Variants in SFMBT1 observed in about 807,000 individuals in gnomAD.
SFMBT1 encodes the protein scm-like with four MBT domains protein 1.
SFMBT1 carries 32 observed loss-of-function variants against 108.7 expected under a neutral mutation model. That is an observed-to-expected ratio of 0.29 (90% CI 0.22 to 0.40). The LOEUF (loss-of-function observed/expected upper bound fraction) is 0.40. Among genes scored for constraint, SFMBT1 ranks in the 10% least tolerant of loss-of-function variants. The pLI is 1.00. For synonymous variants in SFMBT1, 348 were observed against 369.5 expected (o/e 0.94, Z 0.67); for missense variants, 816 against 1,059.6 (o/e 0.77, Z 3.19).
intron 2 of SFMBT1, among the ~76,000 whole-genome samples, chr3:52,964,660 AG>A (rs2106850415): frequency 6.6e-6 from 1 of 152,308 alleles, no homozygotes; most frequent in East Asian, 1.9e-4. Context: ...AGAAAAAAAA[AG>A]CTCCTCAGAG....
At chr3:53,015,245 T>C (rs1699086687) in intron 1 of SFMBT1, among the ~76,000 whole-genome samples, 1 of 151,052 alleles carries the variant, frequency 6.6e-6, no homozygotes, top group Admixed American at 6.6e-5. Context: ...GTATTTTAAT[T>C]GGCAATACCC....
chr3:52,993,096 T>C lies in SFMBT1; in HGVS notation c.-130-23838A>G, dbSNP rs141435694. 1.1e-3 allele frequency among the ~76,000 whole-genome samples: 164 copies of C among 152,132 alleles called. 2 individuals carry two copies. In the East Asian group the frequency reaches 0.022, roughly 20 times the overall value. ...TTCTGAAAATATAATGCTGTATCAG[T>C]TGTTTTTTTTTTAAGCAGCTCAAAA... On this transcript the variant is annotated intron_variant, in intron 1 of 20. Coordinates refer to ENST00000394752, the MANE Select transcript of SFMBT1 (RefSeq NM_016329.4).
At chr3:52,978,794 T>C (rs1208374807) in intron 1 of SFMBT1, among the ~76,000 whole-genome samples, 1 of 152,038 alleles carries the variant, frequency 6.6e-6, no homozygotes, top group African/African-American at 2.4e-5. Flanking sequence ...AGAAATGAAG[T>C]ACGAATACAT....
Position 53,008,225 on chromosome 3 carries a change from T to C in SFMBT1, c.-131+37591A>G, listed in dbSNP as rs185367333. ...GCTTTTGATGGTTATGTTGTACTTATGTAGAAGAATGTCCTTACCATTGGA... is the reference window on the plus strand; with the variant it reads ...GCTTTTGATGGTTATGTTGTACTTACGTAGAAGAATGTCCTTACCATTGGA... On this transcript the variant is annotated intron_variant, in intron 1 of 20. Transcript: ENST00000394752. Among the ~76,000 whole-genome samples, 55 of 152,338 alleles carry C rather than the reference T, an allele frequency of 3.6e-4. No homozygotes were observed. The East Asian group carries it at 8.5e-3, about 23-fold the overall frequency.
intron 9 of SFMBT1, among the ~76,000 whole-genome samples, chr3:52,926,826 G>C (rs1307243063): frequency 6.6e-6 from 1 of 152,048 alleles, no homozygotes; most frequent in African/African-American, 2.4e-5. Flanking sequence ...TCAGCCTCCA[G>C]AGAGCTTAAT....
chr3:52,939,064 A>G (rs542958728), intron 4 of SFMBT1, among the ~76,000 whole-genome samples: 12 of 152,324 alleles, frequency 7.9e-5, no homozygotes, highest in Admixed American at 2.6e-4. Context: ...TTTGACATAA[A>G]CCATTGTTAA....
chr3:52,988,375 C>T (rs958503321), intron 1 of SFMBT1, among the ~76,000 whole-genome samples: 5 of 152,030 alleles, frequency 3.3e-5, no homozygotes, highest in Non-Finnish European at 7.4e-5. Context: ...TAGGCTACCA[C>T]CCCTCAAAAA....
chr3:52,914,511 T>G (rs1702296177), intron 14 of SFMBT1, among the ~76,000 whole-genome samples: 1 of 152,106 alleles, frequency 6.6e-6, no homozygotes, highest in Non-Finnish European at 1.5e-5. Flanking sequence ...AGCACATCGC[T>G]TGAGTCCAGT....
intron 6 of SFMBT1, 88 bp from the exon 7 acceptor site, chr3:52,931,123 G>C (rs960141602): frequency 1.3e-4 from 163 of 1,220,716 alleles, no homozygotes; most frequent in Middle Eastern, 6.2e-4. Context: ...ACAAAAACAA[G>C]TCACTTTCCA....
rs1409851230 is a variant in SFMBT1 at position 53,045,941 on chromosome 3, G to C, written c.-256C>G. On this transcript the variant is annotated 5_prime_UTR_variant, in exon 1 of 21. Transcript: ENST00000394752. ...GAAGCTTTTTCCTCCCGTGCTGCCC[G>C]CGCTCGCCCGCTCGCGCCCTCCTTC... is the stretch of plus-strand genomic sequence containing the variant. The C allele has an allele frequency of 6.6e-6, 1 of 150,626 alleles. No individual in the cohort carries two copies. The highest frequency in any genetic ancestry group is 2.0e-4 in the East Asian group (1 of 5,052). The allele number at this position is 150,626 out of a possible 1,614,324, so 9.3% of individuals were successfully genotyped here.
At position 53,002,324 on chromosome 3, in the gene SFMBT1, G is replaced by A. The variant is rs571305254; in HGVS notation, c.-130-33066C>T. Among the ~76,000 whole-genome samples the A allele has an allele frequency of 5.2e-4, 77 of 147,832 alleles. 9 individuals are homozygous for A. Among genetic ancestry groups the A allele is most frequent in the Admixed American group, 1.9e-3 (28 of 14,570 alleles). ...TGAGGCAGGAGAATGGCGTGAACCC[G>A]GGAGGCGAAGCTTGCAGTGAGCCAA... is the stretch of plus-strand genomic sequence containing the variant. On this transcript the variant is annotated intron_variant, in intron 1 of 20. Coordinates refer to ENST00000394752, the MANE Select transcript of SFMBT1 (RefSeq NM_016329.4).
chr3:53,024,564 G>A (rs1334840331), intron 1 of SFMBT1, among the ~76,000 whole-genome samples: 4 of 152,242 alleles, frequency 2.6e-5, no homozygotes, highest in African/African-American at 9.6e-5. Context: ...CAGGGTCGTT[G>A]TGTGTCAACA....
At chr3:52,923,914 C>T (rs1203582846) in intron 10 of SFMBT1, among the ~76,000 whole-genome samples, 1 of 152,052 alleles carries the variant, frequency 6.6e-6, no homozygotes, top group African/African-American at 2.4e-5. Flanking sequence ...CGGATGAAAA[C>T]AGGCTCGCAT....
Position 53,012,416 on chromosome 3 carries a change from T to C in SFMBT1, c.-131+33400A>G, listed in dbSNP as rs574440957. Among the ~76,000 whole-genome samples the C allele has an allele frequency of 8.3e-3, 1,256 of 151,804 alleles. 13 individuals carry two copies. Among genetic ancestry groups the C allele is most frequent in the African/African-American group, 0.028 (1,173 of 41,366 alleles). On this transcript the variant is annotated intron_variant, in intron 1 of 20. Coordinates refer to ENST00000394752, the MANE Select transcript of SFMBT1 (RefSeq NM_016329.4). ...GCAGTGAGTGCTCTTTTTTTTTTTT[T>C]TCCCGAGACGGAGTCTCGCTCTGTC...
In SFMBT1 at chr3:52,907,459, T is replaced by G. The variant is rs1295743370; in HGVS notation, c.2085+96A>C. The G allele has an allele frequency of 2.0e-6, 3 of 1,523,036 alleles. No individual in the cohort carries two copies. In the African/African-American group the frequency reaches 4.2e-5, roughly 21 times the overall value. The allele number at this position is 1,523,036 out of a possible 1,614,324, so 94.3% of individuals were successfully genotyped here. ...AAAACCATCTTCTATTGGCCAGAGA[T>G]CTGAGTTAGAAAGACCTGCAGGTAT... On this transcript the variant is annotated intron_variant, in intron 18 of 20. Coordinates refer to ENST00000394752, the MANE Select transcript of SFMBT1 (RefSeq NM_016329.4).
chr3:53,015,660 C>A (rs1699100536), intron 1 of SFMBT1, among the ~76,000 whole-genome samples: 2 of 152,088 alleles, frequency 1.3e-5, no homozygotes, highest in Non-Finnish European at 2.9e-5. Context: ...AAACTTTATG[C>A]TAAATTAACA....
chr3:53,030,972 A>G (rs1699664617), intron 1 of SFMBT1, among the ~76,000 whole-genome samples: 1 of 152,222 alleles, frequency 6.6e-6, no homozygotes, highest in African/African-American at 2.4e-5. Context: ...GTTTTCCCCC[A>G]TAGCTTCAAA....
intron 1 of SFMBT1, among the ~76,000 whole-genome samples, chr3:52,980,545 G>A (rs1461585226): frequency 6.6e-6 from 1 of 151,884 alleles, no homozygotes; most frequent in African/African-American, 2.4e-5. Context: ...GAAAGAAGTG[G>A]TGACATTATA....
intron 3 of SFMBT1, among the ~76,000 whole-genome samples, chr3:52,949,736 C>T (rs1292162297): frequency 1.3e-5 from 2 of 151,684 alleles, no homozygotes; most frequent in African/African-American, 2.4e-5. Context: ...TGCACCACCA[C>T]GCCTGGCTAA....
Sources: gnomAD v4.1 joint callset for allele counts (sites outside exome capture counted in the v4.1 genomes callset) on GRCh38, gnomAD v4.1.1 for gene constraint, MANE v1.5 for transcripts, NCBI Gene and HGNC (gene_info 2026-07-23, HGNC 2026-07-21) for gene names.